ARHGEF7: variants seen among roughly 807,000 people sequenced by gnomAD.
ARHGEF7 encodes the protein Rho guanine nucleotide exchange factor 7.
In ARHGEF7, 33 loss-of-function variants were observed where a neutral mutation model predicts 109.8. The observed-to-expected ratio is 0.30, with a 90% CI of 0.23 to 0.40. The LOEUF (loss-of-function observed/expected upper bound fraction) is 0.40. ARHGEF7 is among the 10% of genes least tolerant of loss of function. The pLI is 1.00. For missense variants in ARHGEF7, 938 were observed against 1,098.5 expected (o/e 0.85, Z 2.07); for synonymous variants, 458 against 424.6 (o/e 1.08, Z -0.97).
At chr13:111,246,871 C>T (rs762758099) in intron 8 of ARHGEF7, among the ~76,000 whole-genome samples, 9 of 152,136 alleles carry the variant, frequency 5.9e-5, no homozygotes, top group Non-Finnish European at 1.0e-4. Flanking sequence ...GTTTGCAGTA[C>T]CTCTGTTGGG....
intron 1 of ARHGEF7, among the ~76,000 whole-genome samples, chr13:111,141,253 TATC>T (rs1398601753): frequency 1.3e-5 from 2 of 152,172 alleles, no homozygotes; most frequent in African/African-American, 2.4e-5. Flanking sequence ...CACTGTATAA[TATC>T]ATGCAGAGTA....
intron 5 of ARHGEF7, among the ~76,000 whole-genome samples, chr13:111,229,013 A>G (rs2085626996): frequency 6.6e-6 from 1 of 152,052 alleles, no homozygotes; most frequent in East Asian, 1.9e-4. Flanking sequence ...TGTTCTTCTC[A>G]AAAGAGGCAG....
intron 2 of ARHGEF7, among the ~76,000 whole-genome samples, chr13:111,175,428 G>C (rs1470782709): frequency 2.0e-5 from 3 of 152,216 alleles, no homozygotes; most frequent in Non-Finnish European, 4.4e-5. Context: ...ACCTCTCTGG[G>C]GGCCCTCTCA....
chr13:111,153,672 T>G (rs1323298711), intron 1 of ARHGEF7: 3 of 1,237,530 alleles, frequency 2.4e-6, no homozygotes, highest in Non-Finnish European at 3.0e-6. Context: ...GCTCACTTCC[T>G]GGTGCGGGAA....
intron 8 of ARHGEF7, among the ~76,000 whole-genome samples, chr13:111,259,894 T>G (rs923748422): frequency 3.9e-5 from 6 of 152,082 alleles, no homozygotes; most frequent in African/African-American, 1.4e-4. Context: ...GAAATCAGAA[T>G]CCTATCAGAT....
chr13:111,186,770 G>T, intron 2 of ARHGEF7: 1 of 979,830 alleles, frequency 1.0e-6, no homozygotes, highest in Non-Finnish European at 1.2e-6. Context: ...GCTGACTGGT[G>T]GCAACGCAGA....
intron 1 of ARHGEF7, among the ~76,000 whole-genome samples, chr13:111,117,160 A>C (rs894354629): frequency 6.6e-6 from 1 of 152,240 alleles, no homozygotes; most frequent in Non-Finnish European, 1.5e-5. Flanking sequence ...CCTAAGAGCA[A>C]AGCTTTAAGA....
rs2093633693 is a variant in ARHGEF7 at position 111,305,552 on chromosome 13, C to G, written c.*2439C>G. 1 of 152,246 alleles carries G rather than the reference C, an allele frequency of 6.6e-6. No homozygotes were observed. The highest frequency in any genetic ancestry group is 1.5e-5 in the Non-Finnish European group (1 of 68,052). The allele number at this position is 152,246 out of a possible 1,614,324, so 9.4% of individuals were successfully genotyped here. A position where few individuals can be genotyped will look rare whatever the true frequency, so the allele number is the denominator to read the frequency against. On this transcript the variant is annotated 3_prime_UTR_variant, in exon 22 of 22. Transcript: ENST00000646102. ...GCGTCTGGGACCTTGAATGCCTGCCCTGGTTGTGTGGACTCCTTAATGCCA... is the reference window on the plus strand; with the variant it reads ...GCGTCTGGGACCTTGAATGCCTGCCGTGGTTGTGTGGACTCCTTAATGCCA...
At chr13:111,293,448 A>C (rs934326706) in intron 19 of ARHGEF7, 34 of 985,174 alleles carry the variant, frequency 3.5e-5, no homozygotes, top group Middle Eastern at 5.2e-4. Flanking sequence ...AAAAAAAAAA[A>C]AAAAAACTCA....
At chr13:111,264,779 C>A (rs2091445733) in intron 8 of ARHGEF7, among the ~76,000 whole-genome samples, 1 of 152,212 alleles carries the variant, frequency 6.6e-6, no homozygotes, top group Non-Finnish European at 1.5e-5. Flanking sequence ...GATGTTCTTA[C>A]ACAGATCAGC....
intron 5 of ARHGEF7, among the ~76,000 whole-genome samples, chr13:111,232,580 G>T (rs1400740482): frequency 1.3e-5 from 2 of 152,236 alleles, no homozygotes; most frequent in African/African-American, 4.8e-5. Context: ...GATGTGGAGT[G>T]AAAGCGGTGC....
At chr13:111,153,226 G>C (rs2075990841) in intron 1 of ARHGEF7, among the ~76,000 whole-genome samples, 1 of 152,262 alleles carries the variant, frequency 6.6e-6, no homozygotes, top group Non-Finnish European at 1.5e-5. Flanking sequence ...AACGATCAGG[G>C]GTTACTCAAG....
Position 111,217,624 on chromosome 13 carries a change from A to G in ARHGEF7, c.469-55A>G, listed in dbSNP as rs562655661. ...ACTAGTAAAGTATAATCCATTTTATAATGAAGTAGACTGTTCTTGGTATAA... is the reference window on the plus strand; with the variant it reads ...ACTAGTAAAGTATAATCCATTTTATGATGAAGTAGACTGTTCTTGGTATAA... On this transcript the variant is annotated intron_variant, in intron 4 of 21. Coordinates refer to ENST00000646102, the MANE Select transcript of ARHGEF7 (RefSeq NM_001354046.2). 15 of 1,457,820 alleles carry G rather than the reference A, an allele frequency of 1.0e-5. No homozygotes were observed. In the South Asian group the frequency reaches 1.7e-4, roughly 17 times the overall value. The allele number at this position is 1,457,820 out of a possible 1,614,324, so 90.3% of individuals were successfully genotyped here.
At chr13:111,225,090 T>A (rs2085012872) in intron 5 of ARHGEF7, among the ~76,000 whole-genome samples, 1 of 152,130 alleles carries the variant, frequency 6.6e-6, no homozygotes, top group African/African-American at 2.4e-5. Flanking sequence ...TTTCCTAGAT[T>A]GGTATACCGA....
intron 1 of ARHGEF7, among the ~76,000 whole-genome samples, chr13:111,118,292 C>T (rs980669839): frequency 3.3e-5 from 5 of 152,236 alleles, no homozygotes; most frequent in Non-Finnish European, 7.3e-5. Flanking sequence ...AGGACGTTCA[C>T]GGCGTGTCAG....
At chr13:111,280,446 G>T (rs1355377820) in intron 14 of ARHGEF7, 92 bp from the exon 15 acceptor site, 2 of 1,584,122 alleles carry the variant, frequency 1.3e-6, no homozygotes, top group Admixed American at 3.5e-5. Context: ...AGAAGGTGGT[G>T]TTTAAGCGCT....
At chr13:111,294,714 G>C in intron 19 of ARHGEF7, 1 of 985,408 alleles carries the variant, frequency 1.0e-6, no homozygotes, top group Middle Eastern at 5.2e-4. Context: ...CTACTTTTGT[G>C]GGACTTCAGT....
Position 111,210,051 on chromosome 13 carries a change from G to A in ARHGEF7, c.468+49G>A, listed in dbSNP as rs1417151173. 6 of 1,610,964 alleles carry A rather than the reference G, an allele frequency of 3.7e-6. No homozygotes were observed. The African/African-American group carries it at 5.3e-5, about 14-fold the overall frequency. ...TTAAATATGTTTGGGAAGGATATGA[G>A]TGTGTATGGATATATCTGAGAAGAT... On this transcript the variant is annotated intron_variant, in intron 4 of 21. Transcript: ENST00000646102.
chr13:111,131,647 G>C lies in ARHGEF7; in HGVS notation c.165+15956G>C, dbSNP rs914081805. 2.6e-5 allele frequency among the ~76,000 whole-genome samples: 4 copies of C among 152,194 alleles called. No homozygotes were observed. Among genetic ancestry groups the C allele is most frequent in the African/African-American group, 9.7e-5 (4 of 41,444 alleles). Reference sequence around the variant, plus strand: ...AGCCTGAAGAGAGAAACTAAGGCAGGGTGGTCAGAGGCCATTAGGAGACGG... The same window carrying C: ...AGCCTGAAGAGAGAAACTAAGGCAGCGTGGTCAGAGGCCATTAGGAGACGG... On this transcript the variant is annotated intron_variant, in intron 1 of 21. Coordinates refer to ENST00000646102, the MANE Select transcript of ARHGEF7 (RefSeq NM_001354046.2). The surrounding 1 kb of genome is among the most constrained non-coding windows in gnomAD (Gnocchi z 4.4).
Sources: allele counts gnomAD v4.1 joint callset (sites outside exome capture counted in the v4.1 genomes callset), GRCh38; gene constraint gnomAD v4.1.1; non-coding constraint Gnocchi (gnomAD v3.1); transcripts MANE v1.5; gene names NCBI Gene and HGNC (gene_info 2026-07-23, HGNC 2026-07-21).